VPS41: variants seen among roughly 807,000 people sequenced by gnomAD.
VPS41 encodes VPS41 subunit of HOPS complex.
A neutral mutation model predicts 130.9 loss-of-function variants in VPS41; 85 were observed. The ratio of observed to expected loss-of-function variants is 0.65; its 90% confidence interval spans 0.55 to 0.78. The LOEUF is 0.78. Ranked by LOEUF, VPS41 falls within the 30% of genes least tolerant of loss-of-function variation. VPS41 has a pLI of 0.00. For synonymous variants in VPS41, 335 were observed against 332.9 expected (o/e 1.01, Z -0.07); for missense variants, 874 against 1,018.7 (o/e 0.86, Z 1.93).
intron 21 of VPS41, 33 bp downstream of exon 21, chr7:38,754,669 A>G (rs772117754): frequency 3.7e-6 from 6 of 1,602,038 alleles, no homozygotes; most frequent in Non-Finnish European, 5.1e-6. Context: ...CTGGTCAATC[A>G]AAAGGGCAAA....
intron 12 of VPS41, among the ~76,000 whole-genome samples, 179 bp downstream of exon 12, chr7:38,773,936 T>G (rs1339455200): frequency 2.6e-5 from 4 of 152,200 alleles, no homozygotes; most frequent in Non-Finnish European, 4.4e-5. Flanking sequence ...TATAGGAGCT[T>G]ATGCAAGTTT....
At chr7:38,755,142 G>A (rs575296057) in intron 19 of VPS41, among the ~76,000 whole-genome samples, 1 of 152,314 alleles carries the variant, frequency 6.6e-6, no homozygotes, top group East Asian at 1.9e-4. Flanking sequence ...TGAAGCCTAT[G>A]TGTTTTGCAC....
At chr7:38,743,665 T>G in intron 23 of VPS41, 123 bp from the exon 24 acceptor site, 1 of 1,091,728 alleles carries the variant, frequency 9.2e-7, no homozygotes, top group Admixed American at 2.5e-5. Context: ...TATTTTCTCA[T>G]GTGACACCAA....
At chr7:38,812,439 A>G (rs1240882222) in intron 7 of VPS41, among the ~76,000 whole-genome samples, 1 of 152,182 alleles carries the variant, frequency 6.6e-6, no homozygotes, top group East Asian at 1.9e-4. Flanking sequence ...CAAAAGTCTT[A>G]AAAGAAACAA....
chr7:38,836,885 A>T (rs1785505900), intron 4 of VPS41, among the ~76,000 whole-genome samples: 2 of 152,212 alleles, frequency 1.3e-5, no homozygotes, highest in African/African-American at 2.4e-5. Flanking sequence ...TCTGAAGGGT[A>T]TTTGAAAATG....
chr7:38,740,017 T>A (rs919015106), intron 25 of VPS41, among the ~76,000 whole-genome samples: 1 of 152,206 alleles, frequency 6.6e-6, no homozygotes, highest in South Asian at 2.1e-4. Context: ...ATCACAGTGG[T>A]GCCCATGAGC....
rs775959631 is a variant in VPS41, at chr7:38,752,128, G to A, written c.1926+48C>T. ...GAAAGACAAACAACTTACCATCAATGACAACCTCTTCATCCAAAGTGTACA... is the reference window on the plus strand; with the variant it reads ...GAAAGACAAACAACTTACCATCAATAACAACCTCTTCATCCAAAGTGTACA... On this transcript the variant is annotated intron_variant, in intron 22 of 28. Transcript: ENST00000310301. 3.1e-6 allele frequency: 5 copies of A among 1,609,764 alleles called. No individual in the cohort carries two copies. In the Admixed American group the frequency reaches 8.4e-5, roughly 27 times the overall value.
At chr7:38,835,064 A>G (rs542063395) in intron 4 of VPS41, among the ~76,000 whole-genome samples, 1 of 152,076 alleles carries the variant, frequency 6.6e-6, no homozygotes, top group Non-Finnish European at 1.5e-5. Context: ...TAATACATCA[A>G]TTCTATAAGG....
intron 7 of VPS41, among the ~76,000 whole-genome samples, chr7:38,810,044 A>G (rs2116058421): frequency 6.6e-6 from 1 of 151,770 alleles, no homozygotes; most frequent in Middle Eastern, 3.5e-3. Context: ...AAAAAAATTC[A>G]TTGGTTCACG....
At chr7:38,902,593 C>A (rs1041200000) in intron 1 of VPS41, among the ~76,000 whole-genome samples, 1 of 152,180 alleles carries the variant, frequency 6.6e-6, no homozygotes, top group Non-Finnish European at 1.5e-5. Context: ...CACTCCACCA[C>A]CCCCACCACT....
intron 7 of VPS41, among the ~76,000 whole-genome samples, chr7:38,807,515 A>G (rs2116046571): frequency 6.6e-6 from 1 of 152,316 alleles, no homozygotes; most frequent in South Asian, 2.1e-4. Flanking sequence ...TCAAGTCACT[A>G]TTCTGACTAA....
chr7:38,727,097 G>A, intron 27 of VPS41, 109 bp from the exon 28 acceptor site: 3 of 1,034,620 alleles, frequency 2.9e-6, no homozygotes, highest in Non-Finnish European at 3.9e-6. Context: ...GCAATAAGGT[G>A]CCTTTAGAGA....
intron 2 of VPS41, among the ~76,000 whole-genome samples, chr7:38,882,840 A>G (rs997507568): frequency 1.3e-5 from 2 of 152,182 alleles, no homozygotes; most frequent in Non-Finnish European, 2.9e-5. Context: ...AAGCCTCCCC[A>G]ATGGTCTCCC....
intron 25 of VPS41, among the ~76,000 whole-genome samples, chr7:38,734,048 T>C (rs1225096607): frequency 6.6e-6 from 1 of 152,030 alleles, no homozygotes; most frequent in African/African-American, 2.4e-5. Context: ...ACTGCACCAC[T>C]GCCATGCTCC....
intron 4 of VPS41, among the ~76,000 whole-genome samples, chr7:38,862,145 A>C (rs1057070314): frequency 1.3e-5 from 2 of 152,098 alleles, no homozygotes; most frequent in Admixed American, 1.3e-4. Context: ...AGAAAGCAGC[A>C]TTTTTTTCTT....
intron 4 of VPS41, among the ~76,000 whole-genome samples, chr7:38,860,723 G>C (rs955361004): frequency 1.3e-5 from 2 of 151,778 alleles, no homozygotes; most frequent in African/African-American, 4.8e-5. Flanking sequence ...GTGTGTGTGT[G>C]TGTGTGTGTG....
At chr7:38,728,319 C>G (rs1357479267) in intron 27 of VPS41, 2 of 691,574 alleles carry the variant, frequency 2.9e-6, no homozygotes, top group East Asian at 2.7e-5. Flanking sequence ...TCCAATAAGC[C>G]TGCCAGGTGA....
At chr7:38,870,557 C>G (rs1486242993) in intron 2 of VPS41, among the ~76,000 whole-genome samples, 2 of 151,566 alleles carry the variant, frequency 1.3e-5, no homozygotes, top group Non-Finnish European at 2.9e-5. Flanking sequence ...AGAAAGAAAA[C>G]TACTGGGGCC....
chr7:38,826,911 C>T (rs1459949080), intron 5 of VPS41, among the ~76,000 whole-genome samples: 3 of 152,178 alleles, frequency 2.0e-5, no homozygotes, highest in African/African-American at 2.4e-5. Context: ...CTCTGCCTCC[C>T]GGATTCACAC....
Sources: gnomAD v4.1 joint callset for allele counts (sites outside exome capture counted in the v4.1 genomes callset) on GRCh38, gnomAD v4.1.1 for gene constraint, MANE v1.5 for transcripts, NCBI Gene and HGNC (gene_info 2026-07-23, HGNC 2026-07-21) for gene names.